VPS39: variants seen among roughly 807,000 people sequenced by gnomAD.
VPS39 encodes the protein vam6/Vps39-like protein.
Under a neutral mutation model 121.0 loss-of-function variants are expected in VPS39, and 70 were observed. The observed-to-expected ratio is 0.58, with a 90% CI of 0.48 to 0.71. The LOEUF (loss-of-function observed/expected upper bound fraction) is 0.71. Among genes scored for constraint, VPS39 ranks in the 30% least tolerant of loss-of-function variants. VPS39 has a pLI of 0.00. For synonymous variants in VPS39, 378 were observed against 398.1 expected, an observed-to-expected ratio of 0.95 and a Z score of 0.60; for missense variants, 818 against 1,051.5, an observed-to-expected ratio of 0.78 and a Z score of 3.07.
rs147022716 is a variant in VPS39 at position 42,162,448 on chromosome 15, G to C, written c.2209C>G (p.Pro737Ala). 1 of 1,611,932 alleles carries C rather than the reference G, an allele frequency of 6.2e-7. No homozygotes were observed. Among genetic ancestry groups the C allele is most frequent in the Non-Finnish European group, 8.5e-7 (1 of 1,178,666 alleles). The part of the protein sequence containing the change: ...YLSLLRMYLS[P>A]PSIHCLGPIK... ...GGCCCCAGGCAGTGAATGCTGGGGG[G>C]CGACAGGTACATCCGAAGCAGGGAC... Residue 737 changes from proline to alanine, a missense_variant, in exon 22 of 25, where the codon CCC becomes GCC. Physicochemically the swap from Pro to Ala is conservative, Grantham distance 27. Transcript: ENST00000318006.
intron 1 of VPS39, among the ~76,000 whole-genome samples, chr15:42,204,788 TCCC>T (rs2050136801): frequency 1.3e-5 from 2 of 152,186 alleles, no homozygotes; most frequent in Admixed American, 1.3e-4. Flanking sequence ...TCCTCTCTTC[TCCC>T]TTCTGCTATG....
intron 15 of VPS39, 69 bp from the exon 16 acceptor site, chr15:42,166,301 G>A: frequency 1.3e-5 from 19 of 1,495,168 alleles, no homozygotes; most frequent in South Asian, 3.4e-5. Flanking sequence ...AAGGCAGGTG[G>A]GCAGGTTGCC....
chr15:42,163,837 G>A, intron 19 of VPS39, 109 bp from the exon 20 acceptor site: 2 of 716,920 alleles, frequency 2.8e-6, no homozygotes, highest in East Asian at 2.8e-5. Flanking sequence ...GAAGACAATA[G>A]GATTCTTATT....
chr15:42,164,566 G>A (rs1441796128), intron 18 of VPS39, 80 bp from the exon 19 acceptor site: 1 of 1,565,638 alleles, frequency 6.4e-7, no homozygotes, highest in Admixed American at 1.8e-5. Context: ...GAAGGGAATG[G>A]GGTTCAAGGA....
rs114200041 is a variant in VPS39 at position 42,184,367 on chromosome 15, C to G, written c.718+150G>C. On this transcript the variant is annotated intron_variant, in intron 8 of 24. Transcript: ENST00000318006. ...CTAGACTATCCCATTTTTAATGACC[C>G]TAAAATGTCATCTACTTATAAGAAG... The G allele has an allele frequency of 4.1e-3, 2,999 of 738,558 alleles. 61 individuals carry two copies. In the African/African-American group the frequency reaches 0.049, roughly 12 times the overall value. 45.8% of individuals were successfully genotyped at this position (738,558 alleles called of 1,614,324 possible). A position where few individuals can be genotyped will look rare whatever the true frequency, so the allele number is the denominator to read the frequency against.
chr15:42,199,316 C>T (rs545753577), intron 2 of VPS39, among the ~76,000 whole-genome samples: 172 of 152,212 alleles, frequency 1.1e-3, no homozygotes, highest in Non-Finnish European at 2.1e-3. Context: ...TTGATTAGAA[C>T]TTTAGTTTTC....
At chr15:42,188,692 G>A (rs1485737086) in intron 5 of VPS39, among the ~76,000 whole-genome samples, 1 of 152,126 alleles carries the variant, frequency 6.6e-6, no homozygotes, top group Non-Finnish European at 1.5e-5. Context: ...TCTTTGGGCC[G>A]GGTGCAGTGG....
intron 12 of VPS39, among the ~76,000 whole-genome samples, chr15:42,168,253 G>A (rs1227296941): frequency 6.6e-6 from 1 of 152,242 alleles, no homozygotes; most frequent in Admixed American, 6.5e-5. Flanking sequence ...AAGGACGTGT[G>A]CTCACCTTCC....
At chr15:42,178,721 A>C in intron 8 of VPS39, 151 bp from the exon 9 acceptor site, 1 of 1,155,136 alleles carries the variant, frequency 8.7e-7, no homozygotes, top group Non-Finnish European at 1.2e-6. Context: ...GTGATTCAGA[A>C]AGAAAGAAAA....
At chr15:42,190,400 GC>G (rs1401437918) in intron 4 of VPS39, among the ~76,000 whole-genome samples, 1 of 152,086 alleles carries the variant, frequency 6.6e-6, no homozygotes, top group Non-Finnish European at 1.5e-5. Flanking sequence ...TACTCTTTGG[GC>G]CCCAGGGTCA....
In VPS39 at chr15:42,167,427, G is replaced by A. The variant is rs1346212196; in HGVS notation, c.1344C>T (p.Ile448=). The part of the protein sequence containing the change: ...TIKSKKKLLQ[I]IDTTLLKCYL... Reference sequence around the variant, plus strand: ...AGCACTTGAGCAGGGTGGTGTCGATGATTTGTAGCAGCTTCTTCTTGGATT... The same window carrying A: ...AGCACTTGAGCAGGGTGGTGTCGATAATTTGTAGCAGCTTCTTCTTGGATT... The change falls in exon 13 of 25, where the codon ATC becomes ATT. Residue 448 remains isoleucine, a synonymous_variant. Coordinates refer to ENST00000318006, the MANE Select transcript of VPS39 (RefSeq NM_015289.5). 6.2e-7 allele frequency: 1 copy of A among 1,614,068 alleles called. No individual in the cohort carries two copies. The highest frequency in any genetic ancestry group is 8.5e-7 in the Non-Finnish European group (1 of 1,180,040).
At chr15:42,176,509 T>C (rs529156992) in intron 10 of VPS39, among the ~76,000 whole-genome samples, 10 of 152,108 alleles carry the variant, frequency 6.6e-5, no homozygotes, top group African/African-American at 2.4e-4. Context: ...ATAAAAGTTA[T>C]GGTTCTTGGG....
chr15:42,202,519 A>G (rs1428618781), intron 1 of VPS39, among the ~76,000 whole-genome samples: 1 of 152,224 alleles, frequency 6.6e-6, no homozygotes, highest in Non-Finnish European at 1.5e-5. Flanking sequence ...TAGGCCACCC[A>G]CTGATATTTC....
chr15:42,191,018 C>T (rs2049817834), intron 4 of VPS39, 107 bp downstream of exon 4: 3 of 1,309,550 alleles, frequency 2.3e-6, no homozygotes, highest in South Asian at 1.2e-5. Context: ...GTTTGGAACA[C>T]GTCAGTTCAT....
Position 42,199,934 on chromosome 15 carries a change from T to C in VPS39, c.101A>G (p.Gln34Arg). 1.3e-6 allele frequency: 2 copies of C among 1,593,330 alleles called. No individual in the cohort carries two copies. Among genetic ancestry groups the C allele is most frequent in the Non-Finnish European group, 1.7e-6 (2 of 1,173,450 alleles). Residue 34 changes from glutamine (Q) to arginine (R), a missense_variant, in exon 2 of 25, where the codon CAA becomes CGA. Transcript: ENST00000318006. Reference sequence around the variant, plus strand: ...AATCCTATAGAGAAGAAGATGTCCTTGTTTGGTTCCCACAAGAAGCCATTC... The same window carrying C: ...AATCCTATAGAGAAGAAGATGTCCTCGTTTGGTTCCCACAAGAAGCCATTC... ...WEEWLLVGTK[Q>R]GHLLLYRIRK...
chr15:42,173,096 T>C (rs1052256060), intron 11 of VPS39, among the ~76,000 whole-genome samples: 1 of 152,244 alleles, frequency 6.6e-6, no homozygotes, highest in Admixed American at 6.5e-5. Context: ...TCAATACTAA[T>C]AACATCAAAC....
At chr15:42,195,858 G>T (rs938252041) in intron 2 of VPS39, among the ~76,000 whole-genome samples, 5 of 152,204 alleles carry the variant, frequency 3.3e-5, no homozygotes, top group Non-Finnish European at 7.3e-5. Flanking sequence ...AGCCTGCATT[G>T]CCAAGTCGAT....
intron 19 of VPS39, among the ~76,000 whole-genome samples, chr15:42,164,131 T>G (rs1472500429): frequency 6.6e-6 from 1 of 152,172 alleles, no homozygotes; most frequent in Non-Finnish European, 1.5e-5. Flanking sequence ...AAAAACAGGT[T>G]GCAACCTGGC....
chr15:42,208,132 C>G lies in VPS39; in HGVS notation c.22G>C (p.Val8Leu). The G allele has an allele frequency of 6.3e-7, 1 of 1,582,588 alleles. No homozygotes were observed. The highest frequency in any genetic ancestry group is 1.2e-5 in the South Asian group (1 of 86,610). Residue 8 changes from valine to leucine, a missense_variant, in exon 1 of 25, where the codon GTG (valine) becomes CTG (leucine). Physicochemically the swap from Val to Leu is conservative, Grantham distance 32. Coordinates refer to ENST00000318006, the MANE Select transcript of VPS39 (RefSeq NM_015289.5). MHDAFEP[V>L]PILEKLPLQI... is the part of the protein sequence containing the mutation. ...AGAGGCAGCTTTTCTAGGATCGGCA[C>G]TGGCTCGAAAGCGTCGTGCATGGCG...
Sources: gnomAD v4.1 joint callset for allele counts (sites outside exome capture counted in the v4.1 genomes callset) on GRCh38, gnomAD v4.1.1 for gene constraint, MANE v1.5 for transcripts, NCBI Gene and HGNC (gene_info 2026-07-23, HGNC 2026-07-21) for gene names.